The following ASRGL1 variants were observed in gnomAD, a reference collection of about 807,000 sequenced individuals.
ASRGL1 encodes isoaspartyl peptidase/L-asparaginase.
A neutral mutation model predicts 22.4 loss-of-function variants in ASRGL1; 16 were observed. The observed-to-expected ratio is 0.71, with a 90% CI of 0.48 to 1.08. The LOEUF is 1.08. ASRGL1 is among the 50% of genes least tolerant of loss of function. ASRGL1 has a pLI of 0.00. For synonymous variants in ASRGL1, 165 were observed against 159.3 expected (o/e 1.04, Z -0.27); for missense variants, 412 against 410.1 (o/e 1.00, Z -0.04).
At chr11:62,375,196 T>A (rs1194939451) in intron 4 of ASRGL1, among the ~76,000 whole-genome samples, 1 of 151,858 alleles carries the variant, frequency 6.6e-6, no homozygotes, top group African/African-American at 2.4e-5. Flanking sequence ...ATGGGCTTCC[T>A]AATGGGTTAA....
intron 4 of ASRGL1, chr11:62,371,701 C>A (rs2134656961): frequency 1.7e-6 from 1 of 594,278 alleles, no homozygotes; most frequent in Non-Finnish European, 3.3e-6. Flanking sequence ...GCTTGTAATC[C>A]CAGCACTTTG....
intron 4 of ASRGL1, among the ~76,000 whole-genome samples, chr11:62,384,403 G>C (rs28678254): frequency 0.1 from 15,714 of 151,994 alleles, 880 homozygotes; most frequent in Non-Finnish European, 0.12. Context: ...TGTTTGGGAG[G>C]CTGAAGCAGA....
chr11:62,343,573 C>G (rs1239078043), intron 2 of ASRGL1, among the ~76,000 whole-genome samples: 1 of 151,374 alleles, frequency 6.6e-6, no homozygotes, highest in East Asian at 2.0e-4. Flanking sequence ...ACCAAAAATA[C>G]AAAAATTAGC....
At chr11:62,345,996 A>G (rs548887088) in intron 2 of ASRGL1, among the ~76,000 whole-genome samples, 5 of 152,212 alleles carry the variant, frequency 3.3e-5, no homozygotes, top group East Asian at 3.9e-4. Context: ...GGGGACTCCT[A>G]TGATAAAGGA....
chr11:62,373,599 A>G (rs1946833258), intron 4 of ASRGL1, among the ~76,000 whole-genome samples: 1 of 152,254 alleles, frequency 6.6e-6, no homozygotes, highest in Admixed American at 6.5e-5. Flanking sequence ...CCTTACAGGA[A>G]CCGGCAGCAG....
intron 4 of ASRGL1, chr11:62,371,334 C>G: frequency 8.2e-7 from 1 of 1,212,510 alleles, no homozygotes; most frequent in Non-Finnish European, 1.1e-6. Context: ...CCGGCAGGGG[C>G]AAGCGCGCGG....
At chr11:62,337,783 G>A in intron 1 of ASRGL1, 107 bp from the exon 2 acceptor site, 1 of 526,856 alleles carries the variant, frequency 1.9e-6, no homozygotes, top group Non-Finnish European at 3.2e-6. Flanking sequence ...ACGCGGGAGG[G>A]CGCCGGGCCC....
chr11:62,388,081 G>A (rs1947255804), intron 4 of ASRGL1, among the ~76,000 whole-genome samples: 3 of 152,146 alleles, frequency 2.0e-5, no homozygotes, highest in South Asian at 2.1e-4. Flanking sequence ...TTGCTGCTAC[G>A]CTACACACCT....
intron 2 of ASRGL1, among the ~76,000 whole-genome samples, chr11:62,353,840 T>G: frequency 6.6e-6 from 1 of 152,222 alleles, no homozygotes; most frequent in East Asian, 1.9e-4. Context: ...TTATCAGGTC[T>G]TCTCTAACCT....
chr11:62,395,773 T>C (rs1190380610), downstream of ASRGL1, among the ~76,000 whole-genome samples: 147 of 105,254 alleles, frequency 1.4e-3, no homozygotes, highest in African/African-American at 3.8e-3. Flanking sequence ...TTTTTTTTTT[T>C]TTTTTTTTTT....
intron 4 of ASRGL1, among the ~76,000 whole-genome samples, chr11:62,358,337 T>G (rs1221268786): frequency 1.5e-5 from 2 of 134,998 alleles, no homozygotes; most frequent in Non-Finnish European, 3.0e-5. Context: ...ACCATTGCAC[T>G]CTAGCCTGGG....
At chr11:62,376,952 A>G (rs1946947028) in intron 4 of ASRGL1, among the ~76,000 whole-genome samples, 1 of 152,232 alleles carries the variant, frequency 6.6e-6, no homozygotes, top group South Asian at 2.1e-4. Context: ...ACATATGATA[A>G]TCTTCCAAAT....
At chr11:62,377,682 T>C (rs1019972809) in intron 4 of ASRGL1, among the ~76,000 whole-genome samples, 3 of 152,188 alleles carry the variant, frequency 2.0e-5, no homozygotes, top group African/African-American at 7.2e-5. Context: ...CAATCTGCCA[T>C]GCACCAGAAT....
At chr11:62,343,582 G>A (rs940172234) in intron 2 of ASRGL1, among the ~76,000 whole-genome samples, 3 of 151,222 alleles carry the variant, frequency 2.0e-5, no homozygotes, top group Non-Finnish European at 2.9e-5. Flanking sequence ...ACAAAAATTA[G>A]CCAGGCATGG....
intron 2 of ASRGL1, among the ~76,000 whole-genome samples, chr11:62,343,377 C>CA (rs35798082): frequency 0.2 from 17,555 of 86,214 alleles, 2,083 homozygotes; most frequent in East Asian, 0.36. Context: ...GACCCTGTCT[C>CA]AAAAAAAAAA....
chr11:62,364,088 G>A (rs1378503470), intron 4 of ASRGL1, among the ~76,000 whole-genome samples: 1 of 151,192 alleles, frequency 6.6e-6, no homozygotes, highest in Non-Finnish European at 1.5e-5. Flanking sequence ...GAACCCAGGA[G>A]GCGGAGGTTG....
chr11:62,396,768 G>A (rs562828187), downstream of ASRGL1, among the ~76,000 whole-genome samples: 1 of 70,132 alleles, frequency 1.4e-5, no homozygotes, highest in East Asian at 3.1e-4. Context: ...ACCAGCCTGG[G>A]GTGATTTTTT....
chr11:62,381,962 G>C (rs1947079100), intron 4 of ASRGL1: 1 of 152,430 alleles, frequency 6.6e-6, no homozygotes, highest in Admixed American at 6.5e-5. Flanking sequence ...ACACCTGTGG[G>C]CGTTTCTCAT....
chr11:62,358,667 C>T (rs780773719), intron 4 of ASRGL1, among the ~76,000 whole-genome samples: 1 of 152,168 alleles, frequency 6.6e-6, no homozygotes, highest in Admixed American at 6.5e-5. Context: ...CACATAGGAC[C>T]CCTTTGTCAC....
Sources: allele counts gnomAD v4.1 joint callset (sites outside exome capture counted in the v4.1 genomes callset), GRCh38; gene constraint gnomAD v4.1.1; transcripts MANE v1.5; gene names NCBI Gene and HGNC (gene_info 2026-07-23, HGNC 2026-07-21).